The following ADGRL3 variants were observed in gnomAD, a reference collection of about 807,000 sequenced individuals.
ADGRL3 encodes the protein calcium-independent alpha-latrotoxin receptor 3.
Under a neutral mutation model 153.5 loss-of-function variants are expected in ADGRL3, and 62 were observed. The ratio of observed to expected loss-of-function variants is 0.40; its 90% confidence interval spans 0.33 to 0.50. The LOEUF is 0.50. Ranked by LOEUF, ADGRL3 falls within the 20% of genes least tolerant of loss-of-function variation. ADGRL3 has a pLI of 0.47. For missense variants in ADGRL3, 1,641 were observed against 1,859.4 expected (o/e 0.88, Z 2.16); for synonymous variants, 710 against 672.5 (o/e 1.06, Z -0.86).
chr4:61,414,874 A>G (rs916120811), intron 2 of ADGRL3, among the ~76,000 whole-genome samples: 3 of 151,924 alleles, frequency 2.0e-5, no homozygotes, highest in Admixed American at 6.6e-5. Context: ...AGTAATTTTG[A>G]TATTTACATT....
At chr4:61,823,558 A>G (rs1288247133) in intron 9 of ADGRL3, among the ~76,000 whole-genome samples, 1 of 152,172 alleles carries the variant, frequency 6.6e-6, no homozygotes, top group Non-Finnish European at 1.5e-5. Flanking sequence ...TCTCCCAAAT[A>G]TCATGAAATA....
chr4:62,058,502 A>AT (rs1387792098), intron 25 of ADGRL3, among the ~76,000 whole-genome samples: 3 of 152,120 alleles, frequency 2.0e-5, no homozygotes, highest in Admixed American at 6.6e-5. Flanking sequence ...TCTAGGGATT[A>AT]TTTAGACACT....
At chr4:61,492,168 G>A (rs2098265925) in intron 2 of ADGRL3, among the ~76,000 whole-genome samples, 2 of 152,084 alleles carry the variant, frequency 1.3e-5, no homozygotes, top group Non-Finnish European at 2.9e-5. Flanking sequence ...TGCCAAACAT[G>A]TCAGAAAACA....
At chr4:61,838,006 A>ATTG (rs1383548836) in intron 9 of ADGRL3, among the ~76,000 whole-genome samples, 3 of 152,026 alleles carry the variant, frequency 2.0e-5, no homozygotes, top group Non-Finnish European at 4.4e-5. Context: ...CTAGAATGGC[A>ATTG]TTGTTGTTGT....
intron 1 of ADGRL3, among the ~76,000 whole-genome samples, chr4:61,323,339 G>A (rs1001477618): frequency 2.0e-5 from 3 of 152,098 alleles, no homozygotes; most frequent in Non-Finnish European, 4.4e-5. Context: ...ATTAACATTC[G>A]GCTCCTCGTT....
At chr4:61,931,991 T>TTA (rs576848954) in intron 13 of ADGRL3, among the ~76,000 whole-genome samples, 93 of 150,818 alleles carry the variant, frequency 6.2e-4, no homozygotes, top group Admixed American at 1.6e-3. Flanking sequence ...GTTCATTAGT[T>TTA]TATATATATA....
At chr4:61,575,674 T>A (rs2098872045) in intron 4 of ADGRL3, among the ~76,000 whole-genome samples, 1 of 152,074 alleles carries the variant, frequency 6.6e-6, no homozygotes, top group African/African-American at 2.4e-5. Context: ...ATGAAGTTAA[T>A]CACTGCGGTG....
intron 1 of ADGRL3, among the ~76,000 whole-genome samples, chr4:61,236,825 G>A (rs887947011): frequency 2.4e-4 from 36 of 152,030 alleles, no homozygotes; most frequent in Non-Finnish European, 2.4e-4. Flanking sequence ...TTTTCTCCAC[G>A]TGGTATATAT....
intron 23 of ADGRL3, among the ~76,000 whole-genome samples, chr4:62,035,844 A>G (rs1489630789): frequency 6.6e-6 from 1 of 152,050 alleles, no homozygotes; most frequent in African/African-American, 2.4e-5. Flanking sequence ...GTTTACTCTC[A>G]TTGCTTAACC....
intron 2 of ADGRL3, among the ~76,000 whole-genome samples, chr4:61,417,316 C>A (rs1009967428): frequency 6.6e-6 from 1 of 151,890 alleles, no homozygotes; most frequent in African/African-American, 2.4e-5. Flanking sequence ...AGTGAGACCC[C>A]CATCTCTACA....
At chr4:61,399,124 T>A (rs1489209552) in intron 2 of ADGRL3, among the ~76,000 whole-genome samples, 1 of 151,768 alleles carries the variant, frequency 6.6e-6, no homozygotes, top group Non-Finnish European at 1.5e-5. Flanking sequence ...AAATTGTTGA[T>A]GGAATCAGAC....
chr4:61,977,268 G>C lies in ADGRL3; in HGVS notation c.2806-2295G>C, dbSNP rs113667923. 1.3e-3 allele frequency among the ~76,000 whole-genome samples: 194 copies of C among 149,738 alleles called. 2 individuals are homozygous for C. The highest frequency in any genetic ancestry group is 4.5e-3 in the African/African-American group (184 of 40,638). On this transcript the variant is annotated intron_variant, in intron 17 of 26. Transcript: ENST00000683033. ...AGGTCTTTTGGATACATTTGAGATGGTGTTATACCTGCCATTTTTCCATTA... is the reference window on the plus strand; with the variant it reads ...AGGTCTTTTGGATACATTTGAGATGCTGTTATACCTGCCATTTTTCCATTA...
At chr4:61,332,835 A>G (rs185887958) in intron 1 of ADGRL3, among the ~76,000 whole-genome samples, 111 of 151,998 alleles carry the variant, frequency 7.3e-4, no homozygotes, top group African/African-American at 2.5e-3. Flanking sequence ...ATGCACTTAT[A>G]TGTTAGGCCA....
intron 25 of ADGRL3, among the ~76,000 whole-genome samples, chr4:62,053,030 G>A (rs900596973): frequency 4.6e-5 from 7 of 151,406 alleles, no homozygotes; most frequent in African/African-American, 1.7e-4. Flanking sequence ...TCTCTCATCT[G>A]GAAAAATGTT....
intron 13 of ADGRL3, among the ~76,000 whole-genome samples, chr4:61,914,993 A>T (rs1383762211): frequency 1.3e-5 from 2 of 152,070 alleles, no homozygotes; most frequent in African/African-American, 4.8e-5. Flanking sequence ...TGAAAAAAAT[A>T]TTATTTTATT....
chr4:61,878,560 C>G (rs1168331520), intron 9 of ADGRL3, among the ~76,000 whole-genome samples: 1 of 152,158 alleles, frequency 6.6e-6, no homozygotes, highest in Non-Finnish European at 1.5e-5. Flanking sequence ...AGTGTGAGAA[C>G]AGTCAAAAGA....
intron 9 of ADGRL3, among the ~76,000 whole-genome samples, chr4:61,876,288 G>T (rs10013793): frequency 0.18 from 2,402 of 13,338 alleles, 32 homozygotes; most frequent in South Asian, 0.39. Flanking sequence ...ATCCAATTTT[G>T]TTTTTTTTTT....
intron 21 of ADGRL3, among the ~76,000 whole-genome samples, chr4:62,025,146 G>A (rs1282737407): frequency 6.6e-6 from 1 of 151,998 alleles, no homozygotes; most frequent in South Asian, 2.1e-4. Context: ...GAAATGTTTA[G>A]ATTTTTTTTC....
chr4:61,451,295 T>A (rs2097670559), intron 2 of ADGRL3, among the ~76,000 whole-genome samples: 1 of 152,096 alleles, frequency 6.6e-6, no homozygotes, highest in Non-Finnish European at 1.5e-5. Context: ...ACATAACTGA[T>A]AAATTGCAGA....
Sources: gnomAD v4.1 joint callset for allele counts (sites outside exome capture counted in the v4.1 genomes callset) on GRCh38, gnomAD v4.1.1 for gene constraint, MANE v1.5 for transcripts, NCBI Gene and HGNC (gene_info 2026-07-23, HGNC 2026-07-21) for gene names.